The following TLN2 variants were observed in gnomAD, a reference collection of about 807,000 sequenced individuals.
TLN2 encodes talin 2.
In TLN2, 118 loss-of-function variants were observed where a neutral mutation model predicts 294.7. The observed-to-expected ratio is 0.40, with a 90% CI of 0.34 to 0.47. The LOEUF is 0.47. Ranked by LOEUF, TLN2 falls within the 20% of genes least tolerant of loss-of-function variation. The pLI is 0.84. For missense variants in TLN2, 3,083 were observed against 3,282.2 expected, an observed-to-expected ratio of 0.94 and a Z score of 1.48; for synonymous variants, 1,431 against 1,304.5, an observed-to-expected ratio of 1.10 and a Z score of -2.09.
At chr15:62,731,904 T>C (rs918884745) in intron 28 of TLN2, among the ~76,000 whole-genome samples, 4 of 152,248 alleles carry the variant, frequency 2.6e-5, no homozygotes, top group Non-Finnish European at 4.4e-5. Flanking sequence ...AAAAACTGTA[T>C]ACATTTATTA....
chr15:62,496,615 T>C (rs1208630565), intron 1 of TLN2, among the ~76,000 whole-genome samples: 1 of 152,186 alleles, frequency 6.6e-6, no homozygotes, highest in Non-Finnish European at 1.5e-5. Flanking sequence ...GAAGCCCTGC[T>C]CCAATATGGC....
intron 1 of TLN2, among the ~76,000 whole-genome samples, chr15:62,491,998 C>G (rs907200475): frequency 6.6e-6 from 1 of 152,046 alleles, no homozygotes; most frequent in African/African-American, 2.4e-5. Flanking sequence ...CTTTTTCTCT[C>G]AATTTCTGGT....
chr15:62,689,846 CTTTT>C (rs1158144919), intron 12 of TLN2, among the ~76,000 whole-genome samples: 48 of 15,404 alleles, frequency 3.1e-3, no homozygotes, highest in South Asian at 5.4e-3. Flanking sequence ...GTATGGGCTT[CTTTT>C]TTTTTTTTTT....
At chr15:62,712,657 A>T (rs2059496935) in intron 22 of TLN2, among the ~76,000 whole-genome samples, 1 of 152,226 alleles carries the variant, frequency 6.6e-6, no homozygotes, top group Non-Finnish European at 1.5e-5. Flanking sequence ...CCTGTGGAAC[A>T]TATTAAAATG....
intron 1 of TLN2, among the ~76,000 whole-genome samples, chr15:62,549,389 C>A (rs1052286360): frequency 1.3e-5 from 2 of 152,160 alleles, no homozygotes; most frequent in Non-Finnish European, 2.9e-5. Context: ...TCCACCTCAG[C>A]CTCCCAAAGT....
chr15:62,727,031 C>T (rs1359256832), intron 27 of TLN2, 56 bp from the exon 28 acceptor site: 30 of 1,551,706 alleles, frequency 1.9e-5, no homozygotes, highest in Non-Finnish European at 2.3e-5. Flanking sequence ...TATTTTAAGA[C>T]CTCAGCAGAT....
intron 54 of TLN2, among the ~76,000 whole-genome samples, chr15:62,821,482 T>G (rs1219886725): frequency 6.6e-6 from 1 of 152,240 alleles, no homozygotes; most frequent in Non-Finnish European, 1.5e-5. Flanking sequence ...TTACCTATTT[T>G]TGTAAGACCA....
intron 46 of TLN2, among the ~76,000 whole-genome samples, chr15:62,795,162 G>A (rs1445591937): frequency 6.6e-6 from 1 of 152,174 alleles, no homozygotes; most frequent in Non-Finnish European, 1.5e-5. Context: ...ATCCGTGCTT[G>A]GTGGCTTTTC....
chr15:62,831,936 C>G (rs1416608043), intron 54 of TLN2: 2 of 152,088 alleles, frequency 1.3e-5, no homozygotes, highest in Non-Finnish European at 2.9e-5. Context: ...TCACTGATGC[C>G]CCAAGGGGTG....
chr15:62,636,442 A>T (rs553775586), intron 3 of TLN2, among the ~76,000 whole-genome samples: 9 of 152,186 alleles, frequency 5.9e-5, no homozygotes, highest in Non-Finnish European at 8.8e-5. Flanking sequence ...ACACAAATGG[A>T]AAGTTTAGTC....
At chr15:62,840,103 G>A (rs970137793) in intron 58 of TLN2, among the ~76,000 whole-genome samples, 1 of 152,144 alleles carries the variant, frequency 6.6e-6, no homozygotes, top group African/African-American at 2.4e-5. Context: ...TCCAGACAGT[G>A]GACCTACATT....
At chr15:62,710,326 C>A (rs950974745) in intron 21 of TLN2, among the ~76,000 whole-genome samples, 1 of 152,074 alleles carries the variant, frequency 6.6e-6, no homozygotes, top group African/African-American at 2.4e-5. Context: ...AATTTGCAAC[C>A]CAACTAGTAA....
At position 62,391,642 on chromosome 15, in the gene TLN2, CGCGCCGAGGCAG is replaced by C. The variant is rs531931063; in HGVS notation, c.-238+962_-238+973del. Among the ~76,000 whole-genome samples, 9 of 151,636 alleles carry C rather than the reference CGCGCCGAGGCAG, an allele frequency of 5.9e-5. No homozygotes were observed. The East Asian group carries it at 1.8e-3, about 30-fold the overall frequency. ...GATCGGTTGTCGCCGGGAAAGTTTG[CGCGCCGAGGCAG>C]GCGCGGAGGCGGCCGCACAAGGCGC... On this transcript the variant is annotated intron_variant, in intron 1 of 58. Coordinates refer to ENST00000636159, the MANE Select transcript of TLN2 (RefSeq NM_015059.3).
In TLN2 at chr15:62,571,183, C is replaced by G. The variant is rs576148595; in HGVS notation, c.-237-18504C>G. ...AGATGCCAGTTGCACTGAGGGTGCT[C>G]GGGAGATGAGCCTGACACTTGGCAC... On this transcript the variant is annotated intron_variant, in intron 1 of 58. Transcript: ENST00000636159. Among the ~76,000 whole-genome samples the G allele has an allele frequency of 1.7e-4, 26 of 152,256 alleles. No individual in the cohort carries two copies. The South Asian group carries it at 5.2e-3, about 30-fold the overall frequency.
At chr15:62,452,865 A>T (rs1039066852) in intron 1 of TLN2, among the ~76,000 whole-genome samples, 1 of 151,912 alleles carries the variant, frequency 6.6e-6, no homozygotes, top group African/African-American at 2.4e-5. Flanking sequence ...TCCTCTGTGT[A>T]GAATGGACTG....
At chr15:62,455,880 T>C (rs2036449647) in intron 1 of TLN2, among the ~76,000 whole-genome samples, 1 of 152,196 alleles carries the variant, frequency 6.6e-6, no homozygotes, top group South Asian at 2.1e-4. Flanking sequence ...ACCTGTTCCC[T>C]GTGCCTGAGC....
At chr15:62,586,916 A>G (rs2045655118) in intron 1 of TLN2, among the ~76,000 whole-genome samples, 1 of 152,204 alleles carries the variant, frequency 6.6e-6, no homozygotes, top group African/African-American at 2.4e-5. Context: ...TTGTGTGGTA[A>G]ATCTTCATTC....
At chr15:62,516,794 T>C (rs1439371116) in intron 1 of TLN2, among the ~76,000 whole-genome samples, 1 of 152,244 alleles carries the variant, frequency 6.6e-6, no homozygotes, top group Non-Finnish European at 1.5e-5. Context: ...CGTATCATTT[T>C]GAGAGCAGAA....
chr15:62,427,591 G>A (rs957332624), intron 1 of TLN2, among the ~76,000 whole-genome samples: 14 of 152,128 alleles, frequency 9.2e-5, no homozygotes, highest in Middle Eastern at 3.4e-3. Flanking sequence ...GACCAGCCTG[G>A]CACTCCCACC....
Sources: allele counts gnomAD v4.1 joint callset (sites outside exome capture counted in the v4.1 genomes callset), GRCh38; gene constraint gnomAD v4.1.1; transcripts MANE v1.5; gene names NCBI Gene and HGNC (gene_info 2026-07-23, HGNC 2026-07-21).